PAK6: variants seen among roughly 807,000 people sequenced by gnomAD.
PAK6 encodes p21 (RAC1) activated kinase 6.
PAK6 carries 33 observed loss-of-function variants against 60.8 expected under a neutral mutation model. The observed-to-expected ratio is 0.54, with a 90% CI of 0.41 to 0.73. The LOEUF is 0.73. Among genes scored for constraint, PAK6 ranks in the 30% least tolerant of loss-of-function variants. The probability of loss-of-function intolerance (pLI) is 0.00; values close to 1 mark genes in which losing one functional copy is unlikely to be tolerated. For synonymous variants in PAK6, 404 were observed against 378.5 expected (o/e 1.07, Z -0.78); for missense variants, 845 against 904.1 (o/e 0.93, Z 0.84).
At chr15:40,239,985 G>T (rs1371242469) in intron 1 of PAK6, 183 bp downstream of exon 1, 1 of 152,778 alleles carries the variant, frequency 6.5e-6, no homozygotes, top group Non-Finnish European at 1.5e-5. Flanking sequence ...TGGGCGTCAG[G>T]GAGAGGGGAC....
chr15:40,240,441 GGGCACCAGT>G, intron 1 of PAK6, 149 bp from the exon 2 acceptor site: 1 of 345,736 alleles, frequency 2.9e-6, no homozygotes, highest in Non-Finnish European at 5.7e-6. Context: ...GCAGCTTTGC[GGGCACCAGT>G]GAGTAAGCTG....
At chr15:40,246,952 T>G (rs970596205) in intron 2 of PAK6, 1 of 152,352 alleles carries the variant, frequency 6.6e-6, no homozygotes, top group Non-Finnish European at 1.5e-5. Flanking sequence ...TAAGGTGTTC[T>G]GCCCAAAGTG....
intron 2 of PAK6, chr15:40,252,484 T>C (rs368409250): frequency 2.0e-5 from 27 of 1,363,152 alleles, no homozygotes; most frequent in South Asian, 1.6e-4. Context: ...CCAGCGACAC[T>C]TGGCAACTTC....
At chr15:40,241,153 G>C (rs2038317903) in intron 2 of PAK6, among the ~76,000 whole-genome samples, 1 of 152,208 alleles carries the variant, frequency 6.6e-6, no homozygotes, top group Non-Finnish European at 1.5e-5. Context: ...GCCAAGCACG[G>C]TCACTCCTCA....
chr15:40,258,066 C>T (rs1474206748), intron 3 of PAK6, among the ~76,000 whole-genome samples: 1 of 152,182 alleles, frequency 6.6e-6, no homozygotes, highest in Non-Finnish European at 1.5e-5. Context: ...CATCACAGCC[C>T]CCACCATGAC....
chr15:40,266,599 A>G (rs979464863), intron 5 of PAK6, 104 bp downstream of exon 5: 1 of 1,202,942 alleles, frequency 8.3e-7, no homozygotes, highest in Non-Finnish European at 1.1e-6. Flanking sequence ...GGCTCCCTGG[A>G]CTGCTTCCGC....
At chr15:40,275,099 G>T (rs1328497907) in intron 10 of PAK6, among the ~76,000 whole-genome samples, 2 of 152,048 alleles carry the variant, frequency 1.3e-5, no homozygotes, top group Non-Finnish European at 2.9e-5. Flanking sequence ...AGAGGATGTA[G>T]CCTTCTGCCC....
chr15:40,277,347 G>C (rs2039483047), exon 11 of PAK6: 2 of 152,476 alleles, frequency 1.3e-5, no homozygotes, highest in Non-Finnish European at 2.9e-5. Flanking sequence ...CTGCTCCCTA[G>C]TGACCTACCT....
rs75755831 is a variant in PAK6 at position 40,242,434 on chromosome 15, G to A, written c.-118+1753G>A. On this transcript the variant is annotated intron_variant, in intron 2 of 10. Transcript: ENST00000560346. ...CGCCCTGAGCAGGAAGGCCCAGGCT[G>A]CGGAAGCAGTGCCTGAGACCTGAGC... Among the ~76,000 whole-genome samples, 5 of 152,368 alleles carry A rather than the reference G, an allele frequency of 3.3e-5. No individual in the cohort carries two copies. In the East Asian group the frequency reaches 9.6e-4, roughly 29 times the overall value.
chr15:40,260,277 T>A (rs1015994293), intron 3 of PAK6: 2 of 152,182 alleles, frequency 1.3e-5, no homozygotes, highest in Admixed American at 1.3e-4. Flanking sequence ...AATTTTGGAG[T>A]ATGATATGAG....
At chr15:40,248,960 T>C (rs1419631103) in intron 2 of PAK6, among the ~76,000 whole-genome samples, 1 of 152,200 alleles carries the variant, frequency 6.6e-6, no homozygotes, top group Non-Finnish European at 1.5e-5. Context: ...TTACTTAGTC[T>C]TTCTGGACTG....
intron 5 of PAK6, 117 bp from the exon 6 acceptor site, chr15:40,272,107 G>C: frequency 2.6e-6 from 3 of 1,154,988 alleles, no homozygotes; most frequent in Non-Finnish European, 3.7e-6. Flanking sequence ...AGTTTGATCT[G>C]ATACCCCGCC....
intron 3 of PAK6, among the ~76,000 whole-genome samples, chr15:40,255,383 T>C (rs2038807373): frequency 6.6e-6 from 1 of 152,228 alleles, no homozygotes; most frequent in Non-Finnish European, 1.5e-5. Context: ...TCATGCTGTC[T>C]GCCCTGGCCC....
chr15:40,262,014 G>C (rs2038997162), intron 3 of PAK6, among the ~76,000 whole-genome samples: 1 of 150,182 alleles, frequency 6.7e-6, no homozygotes, highest in African/African-American at 2.4e-5. Context: ...TGAGCGCTTG[G>C]GTGGGGCAGG....
intron 4 of PAK6, 135 bp downstream of exon 4, chr15:40,265,124 G>A (rs2039086414): frequency 2.5e-6 from 2 of 804,816 alleles, no homozygotes; most frequent in Non-Finnish European, 3.9e-6. Context: ...TTAACTCCCT[G>A]CCTGTCAGCC....
In PAK6 at chr15:40,247,839, G is replaced by A. The variant is rs533584407; in HGVS notation, c.-117-5339G>A. On this transcript the variant is annotated intron_variant, in intron 2 of 10. Transcript: ENST00000560346. ...TAGCAAGTGGTAGCCTTGTTTTCTGGACGAATCCTGGGATTCTACTCCATG... is the reference window on the plus strand; with the variant it reads ...TAGCAAGTGGTAGCCTTGTTTTCTGAACGAATCCTGGGATTCTACTCCATG... Among the ~76,000 whole-genome samples the A allele has an allele frequency of 2.0e-5, 3 of 152,234 alleles. No individual in the cohort carries two copies. In the East Asian group the frequency reaches 5.8e-4, roughly 29 times the overall value.
chr15:40,245,048 C>T (rs1339260715), intron 2 of PAK6: 1 of 152,262 alleles, frequency 6.6e-6, no homozygotes, highest in Non-Finnish European at 1.5e-5. Context: ...TCAGCCAATC[C>T]CAGTGTCTCT....
intron 10 of PAK6, 133 bp downstream of exon 10, chr15:40,274,409 C>G: frequency 1.0e-6 from 1 of 980,800 alleles, no homozygotes; most frequent in East Asian, 2.8e-5. Flanking sequence ...GCTCCTCTTT[C>G]CCCACACAAA....
At chr15:40,274,025 A>G in intron 9 of PAK6, 117 bp from the exon 10 acceptor site, 1 of 1,233,074 alleles carries the variant, frequency 8.1e-7, no homozygotes, top group South Asian at 1.3e-5. Flanking sequence ...GGAAGGAGAC[A>G]GACCCACCAA....
Sources: allele counts gnomAD v4.1 joint callset (sites outside exome capture counted in the v4.1 genomes callset), GRCh38; gene constraint gnomAD v4.1.1; transcripts MANE v1.5; gene names NCBI Gene and HGNC (gene_info 2026-07-23, HGNC 2026-07-21).